The following PIK3R3 variants were observed in gnomAD, a reference collection of about 807,000 sequenced individuals.
PIK3R3 encodes phosphatidylinositol 3-kinase regulatory subunit gamma.
In PIK3R3, 64 loss-of-function variants were observed where a neutral mutation model predicts 62.9. The observed-to-expected ratio is 1.02, with a 90% CI of 0.83 to 1.25. The LOEUF is 1.25. Ranked by LOEUF, PIK3R3 falls within the 50% of genes most tolerant of loss-of-function variation. PIK3R3 has a pLI of 0.00. For missense variants in PIK3R3, 614 were observed against 561.6 expected, an observed-to-expected ratio of 1.09 and a Z score of -0.94; for synonymous variants, 165 against 189.0, an observed-to-expected ratio of 0.87 and a Z score of 1.04.
chr1:46,066,106 T>C lies in PIK3R3; in HGVS notation c.569A>G (p.Glu190Gly), dbSNP rs748797315. 2 of 1,601,616 alleles carry C rather than the reference T, an allele frequency of 1.2e-6. No homozygotes were observed. Among genetic ancestry groups the C allele is most frequent in the Admixed American group, 3.3e-5 (2 of 60,006 alleles). Residue 190 changes from glutamate to glycine, a missense_variant, in exon 5 of 10, where the codon GAG (glutamate) becomes GGG (glycine). Physicochemically the swap from Glu to Gly is moderately conservative, Grantham distance 98. Transcript: ENST00000262741. Reference sequence around the variant, plus strand: ...CAGCCTATCATACTCTTTACTCTTCTCCTGATACTGAGAGTGGTATTCTTG... The same window carrying C: ...CAGCCTATCATACTCTTTACTCTTCCCCTGATACTGAGAGTGGTATTCTTG... Reference protein sequence around the residue: ...KLQEYHSQYQEKSKEYDRLYE... With the variant: ...KLQEYHSQYQGKSKEYDRLYE...
chr1:46,131,315 T>C (rs1655560361), intron 1 of PIK3R3, among the ~76,000 whole-genome samples: 1 of 152,168 alleles, frequency 6.6e-6, no homozygotes, highest in Admixed American at 6.5e-5. Context: ...CGGCATTTGT[T>C]TCTGCAAGAG....
At chr1:46,049,764 A>G (rs1303385118) in intron 7 of PIK3R3, among the ~76,000 whole-genome samples, 1 of 152,140 alleles carries the variant, frequency 6.6e-6, no homozygotes, top group African/African-American at 2.4e-5. Context: ...GATAACAGAG[A>G]TCAAATATTT....
At chr1:46,167,466 G>A in the PIK3R3 span, among the ~76,000 whole-genome samples, 1 of 152,228 alleles carries the variant, frequency 6.6e-6, no homozygotes, top group African/African-American at 2.4e-5. Flanking sequence ...AGATCTCGAG[G>A]TGGGCCTGGG....
chr1:46,147,563 G>A, the PIK3R3 span, among the ~76,000 whole-genome samples: 7 of 152,090 alleles, frequency 4.6e-5, no homozygotes, highest in Non-Finnish European at 8.8e-5. Flanking sequence ...GACTACAGGC[G>A]CCCACCACCA....
At chr1:46,046,702 A>G in intron 7 of PIK3R3, 77 bp from the exon 8 acceptor site, 1 of 996,312 alleles carries the variant, frequency 1.0e-6, no homozygotes, top group Admixed American at 1.8e-5. Context: ...GAGCCAACTA[A>G]ACTTCTAGAG....
chr1:46,042,102 A>T lies in PIK3R3; in HGVS notation c.*1571T>A. On this transcript the variant is annotated 3_prime_UTR_variant, in exon 10 of 10. Transcript: ENST00000262741. The surrounding 1 kb of genome is among the most constrained non-coding windows in gnomAD (Gnocchi z 4.3). ...CAAACAGCTGACTCACTCTGAGCCT[A>T]TTATGGTCCCAGGATTGGCTCAGAG... 4.5e-6 allele frequency: 1 copy of T among 220,388 alleles called. No individual in the cohort carries two copies. The highest frequency in any genetic ancestry group is 1.5e-3 in the Middle Eastern group (1 of 680). The allele number at this position is 220,388 out of a possible 1,614,324, so 13.7% of individuals were successfully genotyped here.
the PIK3R3 span, among the ~76,000 whole-genome samples, chr1:46,144,631 G>A: frequency 6.6e-6 from 1 of 152,084 alleles, no homozygotes; most frequent in African/African-American, 2.4e-5. Context: ...AACTGGGCAT[G>A]GTGGCACGCA....
chr1:46,091,659 G>A (rs1325200145), intron 1 of PIK3R3, among the ~76,000 whole-genome samples: 1 of 152,128 alleles, frequency 6.6e-6, no homozygotes. Context: ...TTCTATGGCT[G>A]TAGCTTTAGT....
the PIK3R3 span, among the ~76,000 whole-genome samples, chr1:46,149,693 G>A: frequency 1.3e-5 from 2 of 152,054 alleles, no homozygotes; most frequent in African/African-American, 4.8e-5. Flanking sequence ...ACCACACCCA[G>A]CTATTTTTTG....
intron 7 of PIK3R3, among the ~76,000 whole-genome samples, chr1:46,054,998 G>A (rs1210811488): frequency 6.6e-6 from 1 of 152,070 alleles, no homozygotes; most frequent in Non-Finnish European, 1.5e-5. Flanking sequence ...TGCCTCCCAG[G>A]TTCAAGCGAT....
chr1:46,055,722 C>T (rs928708956), intron 7 of PIK3R3, 73 bp downstream of exon 7: 5 of 949,966 alleles, frequency 5.3e-6, no homozygotes, highest in Non-Finnish European at 1.6e-6. Context: ...TCTTCTTCCA[C>T]CTCTAGTGTC....
chr1:46,165,751 C>CTTTTTTTTTTTTTTTTTTT, the PIK3R3 span, among the ~76,000 whole-genome samples: 6 of 39,554 alleles, frequency 1.5e-4, 3 homozygotes, highest in Non-Finnish European at 2.7e-4. Flanking sequence ...CTGCTTTGTC[C>CTTTTTTTTTTTTTTTTTTT]TTTTTTTTTT....
intron 1 of PIK3R3, among the ~76,000 whole-genome samples, chr1:46,119,119 A>G (rs1654443017): frequency 6.6e-6 from 1 of 152,144 alleles, no homozygotes; most frequent in Admixed American, 6.6e-5. Context: ...CTTTCTCCAC[A>G]GCATTTAACA....
chr1:46,061,830 G>C lies in PIK3R3; in HGVS notation c.764+99C>G. The C allele has an allele frequency of 1.2e-5, 13 of 1,079,246 alleles. 1 individual carries two copies. The South Asian group carries it at 1.7e-4, about 14-fold the overall frequency. The allele number at this position is 1,079,246 out of a possible 1,614,324, so 66.9% of individuals were successfully genotyped here. On this transcript the variant is annotated intron_variant, in intron 6 of 9. Transcript: ENST00000262741. ...AGCAAGTGGTTCCAATAGTAGGGCT[G>C]TGCAGTTTGAGGGGGTAAAAGAAAA...
At chr1:46,057,184 CCTCATT>C (rs1211879967) in intron 6 of PIK3R3, 1 of 152,894 alleles carries the variant, frequency 6.5e-6, no homozygotes, top group Non-Finnish European at 1.5e-5. Context: ...TTTGCATCTT[CCTCATT>C]CTCTCTTTGC....
chr1:46,117,431 CA>C (rs1195075107), intron 1 of PIK3R3, among the ~76,000 whole-genome samples: 29 of 139,726 alleles, frequency 2.1e-4, no homozygotes, highest in Middle Eastern at 3.6e-3. Flanking sequence ...ATCTTGTATC[CA>C]AAAAAAAAAA....
In PIK3R3 at chr1:46,040,728, C is replaced by G. The variant is rs866563128; in HGVS notation, c.*2945G>C. On this transcript the variant is annotated 3_prime_UTR_variant, in exon 10 of 10. Coordinates refer to ENST00000262741, the MANE Select transcript of PIK3R3 (RefSeq NM_003629.4). ...TGATTACTTGTAGCAAAAAAGAGAC[C>G]CGTGGAAGACACATTGGCTCTCAAA... The G allele has an allele frequency of 5.0e-6, 1 of 200,508 alleles. No homozygotes were observed. Among genetic ancestry groups the G allele is most frequent in the Non-Finnish European group, 1.0e-5 (1 of 97,152 alleles). The allele number at this position is 200,508 out of a possible 1,614,324, so 12.4% of individuals were successfully genotyped here.
the PIK3R3 span, among the ~76,000 whole-genome samples, chr1:46,156,423 T>A: frequency 6.9e-6 from 1 of 144,140 alleles, no homozygotes; most frequent in Non-Finnish European, 1.5e-5. Context: ...CGTGCCACTG[T>A]ACTCCAGCCT....
Position 46,080,747 on chromosome 1 carries a change from A to C in PIK3R3, c.110T>G (p.Leu37Arg). The stretch of plus-strand genomic sequence containing the variant: ...CATTGGCTTAGGTGGCTTTGGTGGA[A>C]GAGCTAGAAGAGAAATGAATATTAC... Reference protein sequence around the residue: ...IFYIEMDPPALPPKPPKPMTS... With the variant: ...IFYIEMDPPARPPKPPKPMTS... Residue 37 changes from leucine (L) to arginine (R), a missense_variant, in exon 2 of 10, where the codon CTT becomes CGT. Leu to Arg is a moderately radical substitution (Grantham distance 102, BLOSUM62 -2). Coordinates refer to ENST00000262741, the MANE Select transcript of PIK3R3 (RefSeq NM_003629.4). 1 of 1,596,766 alleles carries C rather than the reference A, an allele frequency of 6.3e-7. No homozygotes were observed. The highest frequency in any genetic ancestry group is 8.6e-7 in the Non-Finnish European group (1 of 1,164,182).
Sources: gnomAD v4.1 joint callset for allele counts (sites outside exome capture counted in the v4.1 genomes callset) on GRCh38, gnomAD v4.1.1 for gene constraint, Gnocchi (gnomAD v3.1) non-coding constraint, MANE v1.5 for transcripts, NCBI Gene and HGNC (gene_info 2026-07-23, HGNC 2026-07-21) for gene names.